Variants in FAM120A observed in about 807,000 individuals in gnomAD.
FAM120A encodes the protein constitutive coactivator of PPAR-gamma-like protein 1.
A neutral mutation model predicts 109.7 loss-of-function variants in FAM120A; 15 were observed. The ratio of observed to expected loss-of-function variants is 0.14; its 90% confidence interval spans 0.09 to 0.21. FAM120A has a LOEUF of 0.21. FAM120A is among the 10% of genes least tolerant of loss of function. FAM120A has a pLI of 1.00. For missense variants in FAM120A, 899 were observed against 1,439.3 expected, an observed-to-expected ratio of 0.62 and a Z score of 6.07; for synonymous variants, 493 against 572.8, an observed-to-expected ratio of 0.86 and a Z score of 1.99.
intron 17 of FAM120A, 105 bp downstream of exon 17, chr9:93,562,409 G>T: frequency 1.2e-6 from 1 of 816,674 alleles, no homozygotes; most frequent in Non-Finnish European, 2.1e-6. Context: ...AGCTGTGAGG[G>T]TAATGCTTTA....
chr9:93,477,880 G>C (rs1399127012), intron 3 of FAM120A, among the ~76,000 whole-genome samples: 1 of 152,150 alleles, frequency 6.6e-6, no homozygotes, highest in Non-Finnish European at 1.5e-5. Flanking sequence ...CCTAAATTTT[G>C]TTGAGAAAAT....
chr9:93,561,244 C>G lies in FAM120A; in HGVS notation c.2942C>G (p.Ala981Gly). The change falls in exon 16 of 18, where the codon GCT becomes GGT. Residue 981 changes from alanine (A) to glycine (G), a missense_variant. Transcript: ENST00000277165. ...CAGGTGGTTTCTGTCGGAGGACCAGCTAGAGGGTAAGTTCTGAGCCACGAA... is the reference window on the plus strand; with the variant it reads ...CAGGTGGTTTCTGTCGGAGGACCAGGTAGAGGGTAAGTTCTGAGCCACGAA... ...PLQVVSVGGP[A>G]RGRPRGVIST... The G allele has an allele frequency of 6.2e-7, 1 of 1,611,900 alleles. No individual in the cohort carries two copies. The highest frequency in any genetic ancestry group is 8.5e-7 in the Non-Finnish European group (1 of 1,179,248).
intron 1 of FAM120A, 45 bp from the exon 2 acceptor site, chr9:93,471,096 A>G (rs1317246342): frequency 9.4e-6 from 15 of 1,595,850 alleles, no homozygotes; most frequent in Admixed American, 3.5e-5. Flanking sequence ...GCTTGTTGCT[A>G]CAGTGTTACC....
At chr9:93,556,085 A>G (rs1862271539) in intron 12 of FAM120A, among the ~76,000 whole-genome samples, 1 of 152,222 alleles carries the variant, frequency 6.6e-6, no homozygotes, top group African/African-American at 2.4e-5. Context: ...TCATTTTGTC[A>G]CACGTCAGCC....
At chr9:93,472,768 C>G (rs1858364184) in intron 2 of FAM120A, among the ~76,000 whole-genome samples, 1 of 152,076 alleles carries the variant, frequency 6.6e-6, no homozygotes, top group African/African-American at 2.4e-5. Flanking sequence ...TTCTTTATTT[C>G]AAAGAGACAC....
At chr9:93,512,232 C>A (rs1205930325) in intron 5 of FAM120A, among the ~76,000 whole-genome samples, 1 of 152,118 alleles carries the variant, frequency 6.6e-6, no homozygotes, top group South Asian at 2.1e-4. Flanking sequence ...GGGGTAAGGC[C>A]GACTGTAGTT....
chr9:93,520,631 G>A (rs2131429034), intron 7 of FAM120A, among the ~76,000 whole-genome samples: 3 of 152,358 alleles, frequency 2.0e-5, no homozygotes, highest in Admixed American at 2.0e-4. Flanking sequence ...CGAGCATGCG[G>A]GTGCTCTTTG....
chr9:93,507,770 A>G (rs149336885), intron 5 of FAM120A, among the ~76,000 whole-genome samples: 15 of 152,256 alleles, frequency 9.9e-5, no homozygotes, highest in African/African-American at 3.4e-4. Context: ...CTGAATTTGG[A>G]GCTCCCAAAC....
At chr9:93,544,768 C>T (rs1331125386) in intron 11 of FAM120A, among the ~76,000 whole-genome samples, 3 of 152,162 alleles carry the variant, frequency 2.0e-5, no homozygotes, top group East Asian at 1.9e-4. Flanking sequence ...TGTTCCAGGT[C>T]GTCTCTGCTT....
intron 11 of FAM120A, among the ~76,000 whole-genome samples, chr9:93,545,643 T>C (rs1861851181): frequency 6.6e-6 from 1 of 152,226 alleles, no homozygotes. Context: ...TTTTATTTCC[T>C]GGTGGTTCTT....
At position 93,561,713 on chromosome 9, in the gene FAM120A, G is replaced by A. The variant is rs563739802; in HGVS notation, c.2948+463G>A. ...CACAGCCTTTAACATCATTTATAAT[G>A]TTTGCATAGGATCCCATTTATAGTA... is the stretch of plus-strand genomic sequence containing the variant. On this transcript the variant is annotated intron_variant, in intron 16 of 17. Transcript: ENST00000277165. 6.6e-5 allele frequency among the ~76,000 whole-genome samples: 10 copies of A among 152,158 alleles called. No individual in the cohort carries two copies. In the South Asian group the frequency reaches 2.1e-3, roughly 32 times the overall value.
At chr9:93,479,945 T>C (rs1858724432) in intron 3 of FAM120A, among the ~76,000 whole-genome samples, 1 of 152,190 alleles carries the variant, frequency 6.6e-6, no homozygotes, top group Non-Finnish European at 1.5e-5. Flanking sequence ...GGAGAACAAC[T>C]GTTAAATCAT....
At position 93,471,296 on chromosome 9, in the gene FAM120A, A is replaced by G. The variant is rs140958474; in HGVS notation, c.630A>G (p.Lys210=). ...AHALKLSRNG[K]SLTTSQYLMH... ...CCCTAAAACTGAGCCGGAACGGGAAAAGTCTCACCACAAGCCAATATCTGA... is the reference window on the plus strand; with the variant it reads ...CCCTAAAACTGAGCCGGAACGGGAAGAGTCTCACCACAAGCCAATATCTGA... The change falls in exon 2 of 18, where the codon AAA becomes AAG. Residue 210 remains lysine (K), a synonymous_variant. Transcript: ENST00000277165. 1.9e-5 allele frequency: 31 copies of G among 1,614,204 alleles called. No individual in the cohort carries two copies. The highest frequency in any genetic ancestry group is 2.5e-5 in the Non-Finnish European group (30 of 1,180,030).
At chr9:93,525,087 T>C (rs1161618319) in intron 7 of FAM120A, among the ~76,000 whole-genome samples, 4 of 152,306 alleles carry the variant, frequency 2.6e-5, no homozygotes, top group Admixed American at 1.3e-4. Context: ...TATTGAAATA[T>C]ATTGGCCTTC....
At chr9:93,528,280 C>G (rs1461801792) in intron 8 of FAM120A, among the ~76,000 whole-genome samples, 1 of 152,098 alleles carries the variant, frequency 6.6e-6, no homozygotes, top group Non-Finnish European at 1.5e-5. Context: ...CTAATTTTGG[C>G]ACTTTGTGTT....
At chr9:93,523,361 T>C (rs1209200056) in intron 7 of FAM120A, 4 of 1,283,384 alleles carry the variant, frequency 3.1e-6, no homozygotes, top group South Asian at 1.2e-5. Flanking sequence ...TCCTGAGGCA[T>C]GGGTAGGTAG....
At chr9:93,502,657 AGTG>A (rs1297017567) in intron 5 of FAM120A, among the ~76,000 whole-genome samples, 2 of 151,966 alleles carry the variant, frequency 1.3e-5, no homozygotes, top group African/African-American at 4.8e-5. Context: ...TTTGAAAATA[AGTG>A]GTGGTGAGAT....
intron 5 of FAM120A, among the ~76,000 whole-genome samples, chr9:93,509,012 A>G (rs10821146): frequency 0.28 from 42,585 of 152,120 alleles, 7,052 homozygotes; most frequent in East Asian, 0.44. Flanking sequence ...CCTCCAGGGA[A>G]CTCAATGGCA....
At chr9:93,558,765 C>G (rs752885971) in intron 15 of FAM120A, 47 bp downstream of exon 15, 10 of 1,601,966 alleles carry the variant, frequency 6.2e-6, no homozygotes, top group Non-Finnish European at 6.8e-6. Context: ...CCAGCACTTC[C>G]TTCGCTCCAT....
Sources: allele counts gnomAD v4.1 joint callset (sites outside exome capture counted in the v4.1 genomes callset), GRCh38; gene constraint gnomAD v4.1.1; transcripts MANE v1.5; gene names NCBI Gene and HGNC (gene_info 2026-07-23, HGNC 2026-07-21).